Variants in TNFRSF11A observed in about 807,000 individuals in gnomAD.
TNFRSF11A encodes tumor necrosis factor receptor superfamily member 11A.
A neutral mutation model predicts 55.7 loss-of-function variants in TNFRSF11A; 32 were observed. The observed-to-expected ratio is 0.57, with a 90% CI of 0.43 to 0.77. The LOEUF is 0.77. Among genes scored for constraint, TNFRSF11A ranks in the 30% least tolerant of loss-of-function variants. The pLI is 0.00. For synonymous variants in TNFRSF11A, 311 were observed against 331.0 expected, an observed-to-expected ratio of 0.94 and a Z score of 0.65; for missense variants, 753 against 809.8, an observed-to-expected ratio of 0.93 and a Z score of 0.85.
At chr18:62,384,569 C>T (rs978637218) in intron 9 of TNFRSF11A, among the ~76,000 whole-genome samples, 182 bp from the exon 10 acceptor site, 3 of 149,284 alleles carry the variant, frequency 2.0e-5, no homozygotes, top group African/African-American at 7.4e-5. Flanking sequence ...TTCCATTCCT[C>T]TTTTCTCTGC....
At chr18:62,345,922 A>T (rs2046376205) in intron 1 of TNFRSF11A, among the ~76,000 whole-genome samples, 1 of 152,120 alleles carries the variant, frequency 6.6e-6, no homozygotes, top group African/African-American at 2.4e-5. Context: ...GAGTTGGAGG[A>T]TAGGTGGGTT....
At chr18:62,371,769 C>G (rs1910571528) in intron 9 of TNFRSF11A, among the ~76,000 whole-genome samples, 1 of 152,158 alleles carries the variant, frequency 6.6e-6, no homozygotes, top group Non-Finnish European at 1.5e-5. Flanking sequence ...CTTTCTCATT[C>G]TTGCTTTTTC....
chr18:62,384,678 A>ACCTTCCTCTC, intron 9 of TNFRSF11A, 73 bp from the exon 10 acceptor site: 1 of 1,559,470 alleles, frequency 6.4e-7, no homozygotes. Flanking sequence ...ACTCCCCGGA[A>ACCTTCCTCTC]CCTTCCTCTC....
At chr18:62,352,856 C>CCT in intron 3 of TNFRSF11A, among the ~76,000 whole-genome samples, 1 of 152,194 alleles carries the variant, frequency 6.6e-6, no homozygotes, top group Admixed American at 6.5e-5. Context: ...CCCCTCCCTA[C>CCT]TGGCTGTAAC....
intron 1 of TNFRSF11A, among the ~76,000 whole-genome samples, chr18:62,338,907 T>C (rs1026303629): frequency 6.6e-6 from 1 of 152,210 alleles, no homozygotes; most frequent in Admixed American, 6.5e-5. Context: ...TGTTTGGCAG[T>C]GGGAGACAGC....
At chr18:62,331,335 A>T (rs2046150281) in intron 1 of TNFRSF11A, among the ~76,000 whole-genome samples, 1 of 152,202 alleles carries the variant, frequency 6.6e-6, no homozygotes, top group African/African-American at 2.4e-5. Flanking sequence ...AGTCCAAATC[A>T]AAATGTTGTT....
At chr18:62,354,213 A>T (rs1251210641) in intron 3 of TNFRSF11A, among the ~76,000 whole-genome samples, 178 bp from the exon 4 acceptor site, 1 of 152,234 alleles carries the variant, frequency 6.6e-6, no homozygotes, top group Non-Finnish European at 1.5e-5. Context: ...TTTTCGTGCC[A>T]GTGCAGGAAG....
chr18:62,358,054 CTGCTCTGTGGGCCCAA>C (rs1909396776), intron 4 of TNFRSF11A, 178 bp from the exon 5 acceptor site: 1 of 603,372 alleles, frequency 1.7e-6, no homozygotes, highest in Non-Finnish European at 2.9e-6. Context: ...GGGGTCAGAA[CTGCTCTGTGGGCCCAA>C]GCCTGTGGGA....
Position 62,360,068 on chromosome 18 carries a change from T to A in TNFRSF11A, c.616+19T>A. ...CCAAATGGTATGTTTAAAAAGAGCC[T>A]GTTGGTTGATAGATGTGCCCCAGGG... On this transcript the variant is annotated intron_variant, in intron 6 of 9. Transcript: ENST00000586569. The A allele has an allele frequency of 1.2e-6, 2 of 1,608,040 alleles. No homozygotes were observed. The highest frequency in any genetic ancestry group is 1.7e-6 in the Non-Finnish European group (2 of 1,174,788).
intron 1 of TNFRSF11A, among the ~76,000 whole-genome samples, chr18:62,345,808 G>A (rs2046374427): frequency 6.6e-6 from 1 of 152,180 alleles, no homozygotes; most frequent in Admixed American, 6.5e-5. Context: ...GCTTAGGAGA[G>A]AGAAATGGAT....
intron 1 of TNFRSF11A, among the ~76,000 whole-genome samples, chr18:62,344,573 C>T (rs13381269): frequency 0.028 from 4,208 of 152,220 alleles, 200 homozygotes; most frequent in African/African-American, 0.097. Flanking sequence ...GGGCTGCTAC[C>T]GATAATAATA....
chr18:62,344,201 G>A (rs946519168), intron 1 of TNFRSF11A, among the ~76,000 whole-genome samples: 1 of 152,184 alleles, frequency 6.6e-6, no homozygotes, highest in African/African-American at 2.4e-5. Flanking sequence ...TCCTAAGCAA[G>A]CTATTGTTCG....
rs189042041 is a variant in TNFRSF11A at position 62,386,749 on chromosome 18, G to C, written c.*1715G>C. ...TGGAAATGCTGGGGTGGTAGCGGTCGATTAGGATTTTCAGTGGAGAAGCAC... is the reference window on the plus strand; with the variant it reads ...TGGAAATGCTGGGGTGGTAGCGGTCCATTAGGATTTTCAGTGGAGAAGCAC... On this transcript the variant is annotated 3_prime_UTR_variant, in exon 10 of 10. Transcript: ENST00000586569. The C allele has an allele frequency of 2.6e-5, 4 of 152,268 alleles. No homozygotes were observed. Among genetic ancestry groups the C allele is most frequent in the African/African-American group, 9.6e-5 (4 of 41,528 alleles). The allele number at this position is 152,268 out of a possible 1,614,324, so 9.4% of individuals were successfully genotyped here.
At chr18:62,361,349 G>A (rs2145330218) in intron 6 of TNFRSF11A, among the ~76,000 whole-genome samples, 1 of 152,264 alleles carries the variant, frequency 6.6e-6, no homozygotes, top group African/African-American at 2.4e-5. Flanking sequence ...ATTTTTCTGG[G>A]GATACTGAAG....
intron 2 of TNFRSF11A, among the ~76,000 whole-genome samples, chr18:62,348,979 T>C (rs1020117589): frequency 6.6e-6 from 1 of 152,168 alleles, no homozygotes; most frequent in South Asian, 2.1e-4. Context: ...AAGCTAACCA[T>C]GAGCCGGTAG....
chr18:62,335,179 A>G (rs142422543), intron 1 of TNFRSF11A, among the ~76,000 whole-genome samples: 3 of 147,008 alleles, frequency 2.0e-5, no homozygotes, highest in Non-Finnish European at 4.5e-5. Context: ...GCGCGATCTC[A>G]GCTCACTGAA....
intron 1 of TNFRSF11A, among the ~76,000 whole-genome samples, chr18:62,328,359 G>A (rs1044924193): frequency 6.6e-6 from 1 of 151,810 alleles, no homozygotes; most frequent in African/African-American, 2.4e-5. Context: ...TGGGAAGAAA[G>A]CTCCCTATGT....
intron 1 of TNFRSF11A, among the ~76,000 whole-genome samples, chr18:62,335,197 T>A (rs1240549579): frequency 6.6e-6 from 1 of 150,950 alleles, no homozygotes; most frequent in Non-Finnish European, 1.5e-5. Context: ...GAACCTCGCT[T>A]CTCGGGTTCA....
At chr18:62,365,053 C>T (rs1401007292) in intron 7 of TNFRSF11A, among the ~76,000 whole-genome samples, 3 of 152,168 alleles carry the variant, frequency 2.0e-5, no homozygotes, top group South Asian at 2.1e-4. Flanking sequence ...ACCTCCCTCC[C>T]GGGCTCAAAC....
Sources: gnomAD v4.1 joint callset for allele counts (sites outside exome capture counted in the v4.1 genomes callset) on GRCh38, gnomAD v4.1.1 for gene constraint, MANE v1.5 for transcripts, NCBI Gene and HGNC (gene_info 2026-07-23, HGNC 2026-07-21) for gene names.